GPR176: variants seen among roughly 807,000 people sequenced by gnomAD.
GPR176 encodes the protein G protein-coupled receptor 176.
In GPR176, 26 loss-of-function variants were observed where a neutral mutation model predicts 35.4. The ratio of observed to expected loss-of-function variants is 0.74; its 90% CI spans 0.54 to 1.02. The LOEUF (loss-of-function observed/expected upper bound fraction) is 1.02. Ranked by LOEUF, GPR176 falls within the 50% of genes least tolerant of loss-of-function variation. The pLI, the probability that GPR176 is intolerant of heterozygous loss-of-function variation, is 0.00. For synonymous variants in GPR176, 278 were observed against 271.3 expected, an observed-to-expected ratio of 1.02 and a Z score of -0.24; for missense variants, 597 against 665.3, an observed-to-expected ratio of 0.90 and a Z score of 1.13.
chr15:39,893,755 G>A (rs1368998028), intron 1 of GPR176, among the ~76,000 whole-genome samples: 3 of 145,890 alleles, frequency 2.1e-5, no homozygotes, highest in Non-Finnish European at 4.6e-5. Flanking sequence ...CCTCCCTCCC[G>A]GGCGGGGCGG....
chr15:39,859,011 C>T (rs548993978), intron 1 of GPR176, among the ~76,000 whole-genome samples: 11 of 152,202 alleles, frequency 7.2e-5, no homozygotes, highest in African/African-American at 2.4e-4. Flanking sequence ...CCTCCCAAAA[C>T]ACTGGGATTA....
intron 1 of GPR176, among the ~76,000 whole-genome samples, chr15:39,868,898 T>C (rs2031935747): frequency 6.6e-6 from 1 of 151,976 alleles, no homozygotes; most frequent in Non-Finnish European, 1.5e-5. Context: ...GTAACAGGTC[T>C]GGCTTCATAA....
intron 1 of GPR176, among the ~76,000 whole-genome samples, chr15:39,866,917 G>A (rs770167032): frequency 6.6e-6 from 1 of 152,080 alleles, no homozygotes; most frequent in Non-Finnish European, 1.5e-5. Flanking sequence ...AGTGGTGCCC[G>A]TGTTCTAAAA....
intron 1 of GPR176, among the ~76,000 whole-genome samples, chr15:39,879,841 A>G (rs2032404845): frequency 6.6e-6 from 1 of 152,082 alleles, no homozygotes; most frequent in South Asian, 2.1e-4. Flanking sequence ...ATCTGGTTAC[A>G]TCTCTTTCTA....
At chr15:39,915,040 C>G (rs2033689095) in intron 1 of GPR176, among the ~76,000 whole-genome samples, 1 of 152,128 alleles carries the variant, frequency 6.6e-6, no homozygotes, top group South Asian at 2.1e-4. Context: ...CTTCAATAAC[C>G]ACCTCATGGA....
At chr15:39,830,846 TAAC>T (rs1336138311) in intron 1 of GPR176, among the ~76,000 whole-genome samples, 1 of 152,130 alleles carries the variant, frequency 6.6e-6, no homozygotes, top group African/African-American at 2.4e-5. Flanking sequence ...AATAAGTCAA[TAAC>T]AACTGCTAGA....
intron 1 of GPR176, among the ~76,000 whole-genome samples, chr15:39,817,336 G>T (rs1374014984): frequency 6.6e-6 from 1 of 152,098 alleles, no homozygotes; most frequent in Non-Finnish European, 1.5e-5. Context: ...AGTTGGTTAT[G>T]TATTCATTAT....
chr15:39,914,241 T>C (rs957783800), intron 1 of GPR176, among the ~76,000 whole-genome samples: 3 of 151,774 alleles, frequency 2.0e-5, no homozygotes, highest in African/African-American at 2.4e-5. Context: ...TGATTCAATA[T>C]ATTAAGCTAG....
chr15:39,804,946 G>C (rs926323023), intron 2 of GPR176, among the ~76,000 whole-genome samples: 2 of 152,182 alleles, frequency 1.3e-5, no homozygotes, highest in South Asian at 4.1e-4. Context: ...TGGGCACAAG[G>C]AGTGACTGTA....
At chr15:39,892,812 A>G (rs2032925784) in intron 1 of GPR176, among the ~76,000 whole-genome samples, 1 of 152,200 alleles carries the variant, frequency 6.6e-6, no homozygotes, top group Admixed American at 6.5e-5. Flanking sequence ...TTGATTTCAG[A>G]CTTCTGGTCT....
At position 39,800,055 on chromosome 15, in the gene GPR176, A is replaced by G. The variant is rs1898758748; in HGVS notation, c.*1077T>C. On this transcript the variant is annotated 3_prime_UTR_variant, in exon 3 of 3. Transcript: ENST00000561100. ...CCTGAGTTCCGGAGTCTTCCTCGGA[A>G]GGAAACCATCTTTGTCAGATTCTTG... 1 of 152,256 alleles carries G rather than the reference A, an allele frequency of 6.6e-6. No homozygotes were observed. The highest frequency in any genetic ancestry group is 6.5e-5 in the Admixed American group (1 of 15,282). The allele number at this position is 152,256 out of a possible 1,614,324, so 9.4% of individuals were successfully genotyped here.
chr15:39,807,740 A>G, intron 1 of GPR176: 2 of 545,670 alleles, frequency 3.7e-6, no homozygotes, highest in Admixed American at 3.2e-5. Flanking sequence ...ATTCAACCCA[A>G]CAGATCCCAA....
intron 1 of GPR176, among the ~76,000 whole-genome samples, chr15:39,911,391 T>A (rs2033573551): frequency 1.3e-5 from 2 of 152,258 alleles, no homozygotes; most frequent in African/African-American, 4.8e-5. Context: ...TTTTTCAGTA[T>A]CTCATTTATG....
chr15:39,801,929 T>C lies in GPR176; in HGVS notation c.751A>G (p.Thr251Ala), dbSNP rs750099235. Residue 251 changes from threonine to alanine, a missense_variant, in exon 3 of 3, where the codon ACC (threonine) becomes GCC (alanine). Physicochemically the swap from Thr to Ala is moderately conservative, Grantham distance 58. Coordinates refer to ENST00000561100, the MANE Select transcript of GPR176 (RefSeq NM_007223.3). ...IIAALRTPQNTISIPYASQRE... is the reference protein window; with the variant it reads ...IIAALRTPQNAISIPYASQRE... ...TGGGAGGCATAGGGAATAGAGATGGTGTTCTGTGGGGTCCGGAGCGCTGCT... is the reference window on the plus strand; with the variant it reads ...TGGGAGGCATAGGGAATAGAGATGGCGTTCTGTGGGGTCCGGAGCGCTGCT... The C allele has an allele frequency of 6.2e-7, 1 of 1,614,074 alleles. No individual in the cohort carries two copies. The highest frequency in any genetic ancestry group is 1.1e-5 in the South Asian group (1 of 91,074).
intron 1 of GPR176, among the ~76,000 whole-genome samples, chr15:39,814,430 G>A (rs953115378): frequency 6.6e-6 from 1 of 152,058 alleles, no homozygotes. Context: ...TACTTCAAAT[G>A]GCCTATTCTT....
intron 1 of GPR176, among the ~76,000 whole-genome samples, chr15:39,821,882 G>A (rs934658119): frequency 1.3e-5 from 2 of 152,162 alleles, no homozygotes; most frequent in African/African-American, 4.8e-5. Flanking sequence ...TCCCTGTGTG[G>A]GCCTCTCCCA....
chr15:39,875,440 A>G (rs2032205750), intron 1 of GPR176, among the ~76,000 whole-genome samples: 2 of 152,224 alleles, frequency 1.3e-5, no homozygotes, highest in South Asian at 4.1e-4. Context: ...ATATTTTCAT[A>G]TCACTCTTGG....
At chr15:39,882,592 GGAA>G (rs1392338539) in intron 1 of GPR176, among the ~76,000 whole-genome samples, 5 of 152,212 alleles carry the variant, frequency 3.3e-5, no homozygotes, top group Admixed American at 3.3e-4. Context: ...TTTGCAGCAA[GGAA>G]GAAGGTGTGA....
chr15:39,817,106 CCAAGA>C (rs1464905113), intron 1 of GPR176, among the ~76,000 whole-genome samples: 3 of 127,936 alleles, frequency 2.3e-5, no homozygotes, highest in Non-Finnish European at 4.9e-5. Context: ...ATTAATCAAT[CCAAGA>C]CATGTTCCCA....
Sources: gnomAD v4.1 joint callset for allele counts (sites outside exome capture counted in the v4.1 genomes callset) on GRCh38, gnomAD v4.1.1 for gene constraint, MANE v1.5 for transcripts, NCBI Gene and HGNC (gene_info 2026-07-23, HGNC 2026-07-21) for gene names.